The following TMEM200A variants were observed in gnomAD, a reference collection of about 807,000 sequenced individuals.
The protein encoded by TMEM200A is transmembrane protein 200A, also known as two transmembrane C.
Under a neutral mutation model 24.3 loss-of-function variants are expected in TMEM200A, and 12 were observed. That is an observed-to-expected ratio of 0.49 (90% CI 0.32 to 0.80). TMEM200A has a LOEUF of 0.80. Among genes scored for constraint, TMEM200A ranks in the 30% least tolerant of loss-of-function variants. The pLI is 0.04. For synonymous variants in TMEM200A, 224 were observed against 224.4 expected, an observed-to-expected ratio of 1.00 and a Z score of 0.02; for missense variants, 545 against 614.4, an observed-to-expected ratio of 0.89 and a Z score of 1.19.
chr6:130,418,226 T>G (rs929349241), intron 2 of TMEM200A, among the ~76,000 whole-genome samples: 3 of 152,216 alleles, frequency 2.0e-5, no homozygotes, highest in Admixed American at 6.5e-5. Flanking sequence ...CTGGTTGATA[T>G]TCATAATCAA....
intron 2 of TMEM200A, among the ~76,000 whole-genome samples, chr6:130,421,959 C>A (rs1583217823): frequency 6.6e-6 from 1 of 152,106 alleles, no homozygotes; most frequent in South Asian, 2.1e-4. Flanking sequence ...TCATGTGTCA[C>A]TGGACATTTA....
Position 130,415,646 on chromosome 6 carries a change from C to G in TMEM200A, c.-16-24761C>G, listed in dbSNP as rs565614720. Among the ~76,000 whole-genome samples the G allele has an allele frequency of 3.3e-5, 5 of 152,240 alleles. No homozygotes were observed. In the South Asian group the frequency reaches 1.0e-3, roughly 32 times the overall value. Reference sequence around the variant, plus strand: ...AATCTATCCACCCCTCCCATGCTCACGAGATATCCTTCCTCTACCCACATG... The same window carrying G: ...AATCTATCCACCCCTCCCATGCTCAGGAGATATCCTTCCTCTACCCACATG... On this transcript the variant is annotated intron_variant, in intron 2 of 2. Transcript: ENST00000296978.
chr6:130,440,288 A>T, intron 2 of TMEM200A, 119 bp from the exon 3 acceptor site: 1 of 997,470 alleles, frequency 1.0e-6, no homozygotes, highest in Non-Finnish European at 1.4e-6. Flanking sequence ...TGCCCCATTT[A>T]ATCACATGAA....
chr6:130,431,786 T>C (rs1779881511), intron 2 of TMEM200A, among the ~76,000 whole-genome samples: 1 of 152,084 alleles, frequency 6.6e-6, no homozygotes, highest in African/African-American at 2.4e-5. Flanking sequence ...TTACAGTTTG[T>C]CAGGCTGGCA....
chr6:130,424,657 T>TA (rs1406844247), intron 2 of TMEM200A, among the ~76,000 whole-genome samples: 55 of 152,270 alleles, frequency 3.6e-4, no homozygotes, highest in African/African-American at 7.7e-4. Context: ...GATCACCTTT[T>TA]AAGCAGTAGA....
At chr6:130,395,027 C>T (rs1778916911) in intron 2 of TMEM200A, among the ~76,000 whole-genome samples, 1 of 152,156 alleles carries the variant, frequency 6.6e-6, no homozygotes, top group Non-Finnish European at 1.5e-5. Context: ...TCCTAGTCTT[C>T]TTTCTTTGTC....
intron 2 of TMEM200A, among the ~76,000 whole-genome samples, chr6:130,417,633 T>C (rs761945664): frequency 6.6e-6 from 1 of 152,144 alleles, no homozygotes; most frequent in Non-Finnish European, 1.5e-5. Context: ...TTAAAGGCTA[T>C]CCAGTATCAT....
Position 130,440,854 on chromosome 6 carries a change from T to C in TMEM200A, c.432T>C (p.Asn144=). 2 of 1,614,062 alleles carry C rather than the reference T, an allele frequency of 1.2e-6. No homozygotes were observed. Among genetic ancestry groups the C allele is most frequent in the Non-Finnish European group, 1.7e-6 (2 of 1,179,978 alleles). Residue 144 remains asparagine (N), a synonymous_variant, in exon 3 of 3, where the codon AAT becomes AAC. Coordinates refer to ENST00000296978, the MANE Select transcript of TMEM200A (RefSeq NM_001258277.2). ...GIGIFIFICA[N]AILHENRDKE... ...GCATTTTCATTTTCATTTGTGCTAA[T>C]GCCATTCTTCATGAAAACCGTGACA...
At chr6:130,407,632 C>T (rs955292700) in intron 2 of TMEM200A, among the ~76,000 whole-genome samples, 4 of 152,306 alleles carry the variant, frequency 2.6e-5, no homozygotes, top group Admixed American at 6.5e-5. Context: ...ATGTTTAAAA[C>T]ACTGACAGGT....
intron 2 of TMEM200A, among the ~76,000 whole-genome samples, chr6:130,427,373 A>T (rs192142409): frequency 1.3e-5 from 2 of 152,312 alleles, no homozygotes; most frequent in African/African-American, 4.8e-5. Context: ...AGTATATATT[A>T]ATCCTTTTAA....
chr6:130,441,517 C>T lies in TMEM200A; in HGVS notation c.1095C>T (p.Leu365=), dbSNP rs147705849. The part of the protein sequence containing the change: ...LSSQYKSSMA[L]GPGAGQLLSP... ...GTCAGTACAAGTCATCTATGGCTCT[C>T]GGACCTGGGGCTGGACAGCTCTTGT... The change falls in exon 3 of 3, where the codon CTC becomes CTT. Residue 365 remains leucine, a synonymous_variant. Transcript: ENST00000296978. 120 of 1,613,934 alleles carry T rather than the reference C, an allele frequency of 7.4e-5. No homozygotes were observed. Among genetic ancestry groups the T allele is most frequent in the Non-Finnish European group, 9.8e-5 (116 of 1,179,994 alleles).
intron 2 of TMEM200A, among the ~76,000 whole-genome samples, chr6:130,428,159 T>C (rs1478154830): frequency 2.0e-5 from 3 of 152,188 alleles, no homozygotes; most frequent in African/African-American, 7.2e-5. Flanking sequence ...TTCTTCTCAA[T>C]TTTTTCCTTT....
Position 130,391,947 on chromosome 6 carries a change from G to A in TMEM200A, c.-17+6711G>A, listed in dbSNP as rs191784934. 3.9e-3 allele frequency among the ~76,000 whole-genome samples: 598 copies of A among 151,970 alleles called. 6 individuals are homozygous for A. The highest frequency in any genetic ancestry group is 0.013 in the African/African-American group (551 of 41,478). The stretch of plus-strand genomic sequence containing the variant: ...TTTAGTAGAGACAAAGTTTCACCGC[G>A]TTAGCCAGGATGGTCTCGATCTCCT... On this transcript the variant is annotated intron_variant, in intron 2 of 2. Transcript: ENST00000296978.
At chr6:130,425,205 C>G (rs1779701429) in intron 2 of TMEM200A, among the ~76,000 whole-genome samples, 1 of 152,158 alleles carries the variant, frequency 6.6e-6, no homozygotes, top group Non-Finnish European at 1.5e-5. Flanking sequence ...TTGAATATTT[C>G]TGCAGAAATC....
At chr6:130,409,165 T>C (rs1471099030) in intron 2 of TMEM200A, among the ~76,000 whole-genome samples, 1 of 152,208 alleles carries the variant, frequency 6.6e-6, no homozygotes, top group Admixed American at 6.5e-5. Flanking sequence ...TACCTTTTCC[T>C]GCACCCTCTT....
At chr6:130,423,472 T>C (rs1340750532) in intron 2 of TMEM200A, among the ~76,000 whole-genome samples, 1 of 152,108 alleles carries the variant, frequency 6.6e-6, no homozygotes, top group African/African-American at 2.4e-5. Flanking sequence ...AGTTGGAAAA[T>C]CGTTGCTTTA....
intron 2 of TMEM200A, among the ~76,000 whole-genome samples, chr6:130,399,988 A>C (rs1225561843): frequency 6.6e-6 from 1 of 152,036 alleles, no homozygotes; most frequent in East Asian, 1.9e-4. Flanking sequence ...TTCCAATCTC[A>C]TCCAGGTCAT....
rs560692456 is a variant in TMEM200A, at chr6:130,433,834, A to G, written c.-16-6573A>G. On this transcript the variant is annotated intron_variant, in intron 2 of 2. Coordinates refer to ENST00000296978, the MANE Select transcript of TMEM200A (RefSeq NM_001258277.2). The stretch of plus-strand genomic sequence containing the variant: ...TAGTCACACTTCAACTAGGAAGATG[A>G]TGAAAAATCAGAGGGCAGGGACCCT... Among the ~76,000 whole-genome samples the G allele has an allele frequency of 2.2e-4, 34 of 152,356 alleles. No homozygotes were observed. In the Middle Eastern group the frequency reaches 0.01, roughly 46 times the overall value.
At chr6:130,408,994 A>T (rs1335104600) in intron 2 of TMEM200A, among the ~76,000 whole-genome samples, 1 of 152,120 alleles carries the variant, frequency 6.6e-6, no homozygotes, top group East Asian at 1.9e-4. Context: ...GTGAGATATG[A>T]ACGCCAGGCC....
Sources: gnomAD v4.1 joint callset for allele counts (sites outside exome capture counted in the v4.1 genomes callset) on GRCh38, gnomAD v4.1.1 for gene constraint, MANE v1.5 for transcripts, NCBI Gene and HGNC (gene_info 2026-07-23, HGNC 2026-07-21) for gene names.